CEP85L: variants seen among roughly 807,000 people sequenced by gnomAD.
CEP85L encodes centrosomal protein 85L.
CEP85L carries 60 observed loss-of-function variants against 100.3 expected under a neutral mutation model. That is an observed-to-expected ratio of 0.60 (90% CI 0.49 to 0.74). The LOEUF is 0.74. Ranked by LOEUF, CEP85L falls within the 30% of genes least tolerant of loss-of-function variation. The pLI, the probability that CEP85L is intolerant of heterozygous loss-of-function variation, is 0.00. For synonymous variants in CEP85L, 319 were observed against 322.7 expected (o/e 0.99, Z 0.12); for missense variants, 973 against 936.2 (o/e 1.04, Z -0.51).
chr6:118,469,187 A>G lies in CEP85L; in HGVS notation c.2139T>C (p.Asp713=), dbSNP rs1772753907. Residue 713 remains aspartate (D), a synonymous_variant, in exon 12 of 13, where the codon GAT becomes GAC. Coordinates refer to ENST00000368491, the MANE Select transcript of CEP85L (RefSeq NM_001042475.3). ...KRPLFDLTVI[D]QLFKEMSCCL... ...AACAGGACATTTCCTTGAACAGCTG[A>G]TCAATCACAGTCAAATCAAATAGTG... 6.2e-6 allele frequency: 10 copies of G among 1,613,950 alleles called. No homozygotes were observed. Among genetic ancestry groups the G allele is most frequent in the South Asian group, 1.1e-5 (1 of 91,090 alleles).
intron 2 of CEP85L, among the ~76,000 whole-genome samples, chr6:118,620,379 G>C (rs1773361601): frequency 6.6e-6 from 1 of 152,162 alleles, no homozygotes; most frequent in Admixed American, 6.6e-5. Context: ...CTTGGTCATG[G>C]CTCTCAGACA....
intron 2 of CEP85L, chr6:118,589,699 A>G: frequency 3.6e-6 from 1 of 275,228 alleles, no homozygotes; most frequent in Non-Finnish European, 7.1e-6. Context: ...ACCTTCTATG[A>G]ACATGGGCAT....
At chr6:118,702,779 G>A (rs1458713249) in intron 1 of CEP85L, among the ~76,000 whole-genome samples, 1 of 152,214 alleles carries the variant, frequency 6.6e-6, no homozygotes, top group African/African-American at 2.4e-5. Context: ...GGCGGATCAC[G>A]AAGTCAGGAG....
chr6:118,586,626 G>A (rs755348817), intron 2 of CEP85L, among the ~76,000 whole-genome samples: 8 of 152,176 alleles, frequency 5.3e-5, no homozygotes, highest in Non-Finnish European at 1.0e-4. Context: ...CAACAGCCCA[G>A]AGGAACGTCC....
intron 1 of CEP85L, among the ~76,000 whole-genome samples, chr6:118,644,815 C>T (rs1268457249): frequency 6.6e-6 from 1 of 152,210 alleles, no homozygotes; most frequent in African/African-American, 2.4e-5. Context: ...CACCTAATAA[C>T]TGCAATGGCC....
intron 1 of CEP85L, among the ~76,000 whole-genome samples, chr6:118,705,234 C>T (rs1035501777): frequency 2.0e-5 from 3 of 152,210 alleles, no homozygotes; most frequent in Admixed American, 6.5e-5. Context: ...GCTGTCTTCT[C>T]TTCATGCAGC....
intron 1 of CEP85L, among the ~76,000 whole-genome samples, chr6:118,642,075 T>G (rs887407913): frequency 6.6e-6 from 1 of 152,228 alleles, no homozygotes; most frequent in Non-Finnish European, 1.5e-5. Context: ...AATGACACCC[T>G]GAATTACATG....
At chr6:118,647,173 T>A in intron 1 of CEP85L, 1 of 497,102 alleles carries the variant, frequency 2.0e-6, no homozygotes, top group Non-Finnish European at 2.6e-6. Context: ...ATACCAGTTA[T>A]TACCACTATC....
intron 1 of CEP85L, among the ~76,000 whole-genome samples, chr6:118,645,439 C>T (rs567597108): frequency 3.9e-5 from 6 of 152,298 alleles, no homozygotes; most frequent in African/African-American, 1.4e-4. Context: ...TTGGAAGGCC[C>T]AGGCAGGAGA....
chr6:118,469,059 A>G lies in CEP85L; in HGVS notation c.2254+13T>C. 1 of 1,577,806 alleles carries G rather than the reference A, an allele frequency of 6.3e-7. No homozygotes were observed. On this transcript the variant is annotated intron_variant, in intron 12 of 12. Coordinates refer to ENST00000368491, the MANE Select transcript of CEP85L (RefSeq NM_001042475.3). ...AATTGCCACAAAATAAGGACAAGTC[A>G]TCAGACACTTACATCTTATTCCCAG...
intron 2 of CEP85L, among the ~76,000 whole-genome samples, chr6:118,595,467 G>A (rs1781415581): frequency 6.6e-6 from 1 of 152,140 alleles, no homozygotes; most frequent in Admixed American, 6.5e-5. Context: ...TCCCTTCGCT[G>A]CTGAGATTCT....
chr6:118,522,216 C>T (rs967437344), intron 4 of CEP85L, among the ~76,000 whole-genome samples: 6 of 152,006 alleles, frequency 3.9e-5, no homozygotes, highest in Admixed American at 6.6e-5. Context: ...CAAAATTAGC[C>T]GGGCGTGACG....
At chr6:118,500,562 ACATT>A (rs1344240566) in intron 5 of CEP85L, among the ~76,000 whole-genome samples, 1 of 152,204 alleles carries the variant, frequency 6.6e-6, no homozygotes, top group Non-Finnish European at 1.5e-5. Context: ...TTTACCTAAT[ACATT>A]CAGAGGGCTG....
chr6:118,538,901 C>A (rs1219774229), intron 3 of CEP85L, among the ~76,000 whole-genome samples: 1 of 150,194 alleles, frequency 6.7e-6, no homozygotes, highest in South Asian at 2.1e-4. Context: ...ACAAACCAGA[C>A]AATAAAAATG....
intron 2 of CEP85L, among the ~76,000 whole-genome samples, chr6:118,603,182 T>C (rs144954221): frequency 3.9e-5 from 6 of 151,914 alleles, no homozygotes; most frequent in South Asian, 2.1e-4. Context: ...TAGCTATGAA[T>C]TGGGTAAATT....
intron 1 of CEP85L, 36 bp from the exon 2 acceptor site, chr6:118,632,647 T>C: frequency 6.4e-7 from 1 of 1,559,112 alleles, no homozygotes; most frequent in Middle Eastern, 1.7e-4. Flanking sequence ...AACACATATA[T>C]CTGAGTAGGC....
intron 2 of CEP85L, among the ~76,000 whole-genome samples, chr6:118,612,799 G>A (rs1772735852): frequency 6.6e-6 from 1 of 151,374 alleles, no homozygotes; most frequent in African/African-American, 2.4e-5. Context: ...AGAAATTGCT[G>A]AAATTGAAAA....
Position 118,598,804 on chromosome 6 carries a change from G to C in CEP85L, c.233-32488C>G, listed in dbSNP as rs528448404. Among the ~76,000 whole-genome samples, 5 of 152,312 alleles carry C rather than the reference G, an allele frequency of 3.3e-5. No homozygotes were observed. The East Asian group carries it at 9.6e-4, about 29-fold the overall frequency. On this transcript the variant is annotated intron_variant, in intron 2 of 12. Transcript: ENST00000368491. ...GCAGCCCTAGGAAACTAATACAGGG[G>C]AGTAGAGGTTAACAGTTCTGAACCT...
At chr6:118,545,186 A>C (rs771980485) in intron 3 of CEP85L, among the ~76,000 whole-genome samples, 1 of 151,960 alleles carries the variant, frequency 6.6e-6, no homozygotes, top group Non-Finnish European at 1.5e-5. Flanking sequence ...AATTTCCAAA[A>C]ACCGATTCTA....
Sources: gnomAD v4.1 joint callset for allele counts (sites outside exome capture counted in the v4.1 genomes callset) on GRCh38, gnomAD v4.1.1 for gene constraint, MANE v1.5 for transcripts, NCBI Gene and HGNC (gene_info 2026-07-23, HGNC 2026-07-21) for gene names.